The following UGT1A8 variants were observed in gnomAD, a reference collection of about 807,000 sequenced individuals.
The protein encoded by UGT1A8 is UDP glucuronosyltransferase family 1 member A8.
In UGT1A8, 39 loss-of-function variants were observed where a neutral mutation model predicts 45.3. The ratio of observed to expected loss-of-function variants is 0.86; its 90% CI spans 0.67 to 1.12. The LOEUF is 1.12. Ranked by LOEUF, UGT1A8 falls within the 50% of genes most tolerant of loss-of-function variation. UGT1A8 has a pLI of 0.00. For synonymous variants in UGT1A8, 275 were observed against 249.2 expected (o/e 1.10, Z -0.97); for missense variants, 719 against 664.9 (o/e 1.08, Z -0.90).
chr2:233,708,871 C>T (rs544607224), intron 1 of UGT1A8, among the ~76,000 whole-genome samples: 1 of 151,394 alleles, frequency 6.6e-6, no homozygotes, highest in East Asian at 1.9e-4. Context: ...TTTATTGGTT[C>T]ACATACTAGA....
chr2:233,738,480 A>T (rs981519178), intron 1 of UGT1A8, among the ~76,000 whole-genome samples: 1 of 152,194 alleles, frequency 6.6e-6, no homozygotes, highest in African/African-American at 2.4e-5. Flanking sequence ...CTTCCTGGAG[A>T]CTTGTTGAAC....
At chr2:233,757,107 C>A (rs999241800) in intron 1 of UGT1A8, among the ~76,000 whole-genome samples, 3 of 150,946 alleles carry the variant, frequency 2.0e-5, no homozygotes, top group African/African-American at 7.3e-5. Flanking sequence ...AGGGGGCAAG[C>A]AGAAGGGCTA....
At chr2:233,685,871 C>T (rs1042918991) in intron 1 of UGT1A8, among the ~76,000 whole-genome samples, 1 of 152,122 alleles carries the variant, frequency 6.6e-6, no homozygotes, top group African/African-American at 2.4e-5. Flanking sequence ...ATACCTAAGA[C>T]AATCAATAAT....
chr2:233,728,929 G>A (rs533311965), intron 1 of UGT1A8, among the ~76,000 whole-genome samples: 12 of 142,966 alleles, frequency 8.4e-5, no homozygotes, highest in Admixed American at 6.7e-4. Context: ...AGTCATGATC[G>A]GTCTTTTCCA....
chr2:233,722,838 A>C (rs192371212), intron 1 of UGT1A8, among the ~76,000 whole-genome samples: 12 of 132,374 alleles, frequency 9.1e-5, no homozygotes, highest in African/African-American at 2.9e-4. Flanking sequence ...TTATAATAAG[A>C]ATGTTTCTTT....
intron 1 of UGT1A8, among the ~76,000 whole-genome samples, chr2:233,668,292 G>A (rs2074118244): frequency 6.6e-6 from 1 of 152,092 alleles, no homozygotes; most frequent in African/African-American, 2.4e-5. Flanking sequence ...ACCTATGAGT[G>A]AGAACATGCA....
intron 1 of UGT1A8, among the ~76,000 whole-genome samples, chr2:233,639,188 T>C (rs920633175): frequency 6.6e-6 from 1 of 152,256 alleles, no homozygotes; most frequent in Admixed American, 6.5e-5. Flanking sequence ...TCATTTATTT[T>C]GATTGTAAAT....
chr2:233,693,977 TG>T, intron 1 of UGT1A8: 1 of 1,559,126 alleles, frequency 6.4e-7, no homozygotes, highest in Non-Finnish European at 8.7e-7. Flanking sequence ...GGAGAAACGG[TG>T]GGGGGAAGTG....
chr2:233,649,232 T>C (rs1484466559), intron 1 of UGT1A8, among the ~76,000 whole-genome samples: 7 of 152,234 alleles, frequency 4.6e-5, no homozygotes, highest in African/African-American at 1.7e-4. Flanking sequence ...ATACGATTGG[T>C]TAATTGCTCA....
rs150837733 is a variant in UGT1A8, at chr2:233,735,056, T to A, written c.856-31978T>A. ...TGCTTGGTGCAGAGCTGAGTTCAGG[T>A]CCTGGATATCCTTGTTAACCTTTGG... On this transcript the variant is annotated intron_variant, in intron 1 of 4. Coordinates refer to ENST00000373450, the MANE Select transcript of UGT1A8 (RefSeq NM_019076.5). 1.8e-3 allele frequency among the ~76,000 whole-genome samples: 281 copies of A among 152,326 alleles called. 3 individuals are homozygous for A. Among genetic ancestry groups the A allele is most frequent in the East Asian group, 0.013 (69 of 5,186 alleles).
intron 1 of UGT1A8, chr2:233,693,459 C>A (rs201855477): frequency 1.9e-6 from 3 of 1,614,104 alleles, no homozygotes; most frequent in Middle Eastern, 1.6e-4. Flanking sequence ...ACAGACCCAG[C>A]CTTACCCTGT....
At chr2:233,712,928 A>G in intron 1 of UGT1A8, 1 of 1,612,102 alleles carries the variant, frequency 6.2e-7, no homozygotes, top group East Asian at 2.2e-5. Flanking sequence ...AATTAAGACG[A>G]AGGAAACAAT....
intron 4 of UGT1A8, among the ~76,000 whole-genome samples, chr2:233,771,932 C>G (rs909817739): frequency 6.6e-6 from 1 of 152,046 alleles, no homozygotes; most frequent in African/African-American, 2.4e-5. Context: ...CTGGGCAACA[C>G]AATAAGACCT....
At chr2:233,619,919 A>G (rs1384422336) in intron 1 of UGT1A8, among the ~76,000 whole-genome samples, 1 of 152,192 alleles carries the variant, frequency 6.6e-6, no homozygotes, top group East Asian at 1.9e-4. Context: ...AGCCAGTTTA[A>G]ATAGGGATTT....
intron 1 of UGT1A8, among the ~76,000 whole-genome samples, chr2:233,676,754 T>G (rs2125510075): frequency 6.6e-6 from 1 of 152,264 alleles, no homozygotes; most frequent in South Asian, 2.1e-4. Flanking sequence ...TAAAACTGGG[T>G]TTATAGACTT....
At chr2:233,737,974 T>C (rs1690646890) in intron 1 of UGT1A8, among the ~76,000 whole-genome samples, 1 of 152,114 alleles carries the variant, frequency 6.6e-6, no homozygotes, top group South Asian at 2.1e-4. Flanking sequence ...CTAGATTTAA[T>C]ATGGTTTGGC....
rs974184034 is a variant in UGT1A8 at position 233,630,862 on chromosome 2, T to C, written c.855+12300T>C. ...TCTTTTTTTTTTTTTATACTTTAAG[T>C]TCTAGGATACATGTGCAGAACATGC... is the stretch of plus-strand genomic sequence containing the variant. On this transcript the variant is annotated intron_variant, in intron 1 of 4. Coordinates refer to ENST00000373450, the MANE Select transcript of UGT1A8 (RefSeq NM_019076.5). Among the ~76,000 whole-genome samples, 4 of 151,584 alleles carry C rather than the reference T, an allele frequency of 2.6e-5. No homozygotes were observed. In the South Asian group the frequency reaches 8.4e-4, roughly 32 times the overall value.
At chr2:233,653,908 T>C (rs1195067271) in intron 1 of UGT1A8, among the ~76,000 whole-genome samples, 2 of 152,260 alleles carry the variant, frequency 1.3e-5, no homozygotes, top group Non-Finnish European at 2.9e-5. Context: ...AGAAATGTTA[T>C]CTTTCACAGA....
intron 1 of UGT1A8, chr2:233,755,155 T>G (rs921927491): frequency 2.3e-6 from 3 of 1,293,388 alleles, no homozygotes; most frequent in Non-Finnish European, 2.1e-6. Flanking sequence ...GCTTCCTCCC[T>G]GTCCTCGGGG....
Sources: allele counts gnomAD v4.1 joint callset (sites outside exome capture counted in the v4.1 genomes callset), GRCh38; gene constraint gnomAD v4.1.1; transcripts MANE v1.5; gene names NCBI Gene and HGNC (gene_info 2026-07-23, HGNC 2026-07-21).